TMEM178B: variants seen among roughly 807,000 people sequenced by gnomAD.
TMEM178B encodes transmembrane protein 178B.
In TMEM178B, 5 loss-of-function variants were observed where a neutral mutation model predicts 31.0. The ratio of observed to expected loss-of-function variants is 0.16; its 90% CI spans 0.08 to 0.34. TMEM178B has a LOEUF of 0.34. Among genes scored for constraint, TMEM178B ranks in the 10% least tolerant of loss-of-function variants. The pLI is 1.00. For synonymous variants in TMEM178B, 164 were observed against 164.0 expected (o/e 1.00, Z 0.00); for missense variants, 275 against 400.3 (o/e 0.69, Z 2.67).
chr7:141,338,483 G>A (rs1465007521), intron 2 of TMEM178B, among the ~76,000 whole-genome samples: 1 of 152,126 alleles, frequency 6.6e-6, no homozygotes, highest in East Asian at 1.9e-4. Context: ...AAAACGCCTG[G>A]AACCCTAGAG....
chr7:141,368,145 C>G (rs1406549867), intron 2 of TMEM178B, among the ~76,000 whole-genome samples: 1 of 152,102 alleles, frequency 6.6e-6, no homozygotes, highest in Non-Finnish European at 1.5e-5. Flanking sequence ...ATGGTGAAAC[C>G]CCATCTGCAC....
chr7:141,216,826 G>A (rs1003412880), intron 2 of TMEM178B, among the ~76,000 whole-genome samples: 6 of 152,144 alleles, frequency 3.9e-5, no homozygotes, highest in Non-Finnish European at 8.8e-5. Context: ...GGGCTGTGGT[G>A]TGGTGCGGTG....
At chr7:141,416,277 C>T in intron 2 of TMEM178B, 1 of 152,848 alleles carries the variant, frequency 6.5e-6, no homozygotes. Flanking sequence ...CCCACCACCT[C>T]TACATCCAAA....
chr7:141,274,759 G>T (rs991481015), intron 2 of TMEM178B, among the ~76,000 whole-genome samples: 2 of 152,204 alleles, frequency 1.3e-5, no homozygotes, highest in African/African-American at 4.8e-5. Context: ...GGTGAGGTCT[G>T]CATGGGAACA....
intron 3 of TMEM178B, among the ~76,000 whole-genome samples, chr7:141,456,484 C>T (rs1393645120): frequency 1.3e-5 from 2 of 152,182 alleles, no homozygotes; most frequent in Non-Finnish European, 2.9e-5. Flanking sequence ...AACCTTATGA[C>T]TACCAAAACA....
intron 2 of TMEM178B, among the ~76,000 whole-genome samples, chr7:141,374,163 C>A (rs746178252): frequency 7.2e-5 from 11 of 152,112 alleles, no homozygotes; most frequent in Non-Finnish European, 1.3e-4. Flanking sequence ...AGGAGCAGCT[C>A]CTTCTTCATA....
chr7:141,124,366 A>G (rs143331241), intron 1 of TMEM178B, among the ~76,000 whole-genome samples: 2 of 148,974 alleles, frequency 1.3e-5, no homozygotes, highest in African/African-American at 4.9e-5. Flanking sequence ...GACTCTGACT[A>G]AAAAAAAAAT....
At chr7:141,112,208 TACCTCATGAACTC>T (rs1398076067) in intron 1 of TMEM178B, among the ~76,000 whole-genome samples, 4 of 152,222 alleles carry the variant, frequency 2.6e-5, no homozygotes, top group Admixed American at 1.3e-4. Flanking sequence ...TTTCATAAAC[TACCTCATGAACTC>T]ATGAAGTCTA....
At chr7:141,413,032 G>A (rs1401982874) in intron 2 of TMEM178B, among the ~76,000 whole-genome samples, 1 of 152,156 alleles carries the variant, frequency 6.6e-6, no homozygotes, top group Admixed American at 6.5e-5. Context: ...GAGAAGCACA[G>A]TTGATTGTGC....
intron 2 of TMEM178B, chr7:141,429,576 G>A (rs2116666782): frequency 6.6e-6 from 1 of 152,266 alleles, no homozygotes; most frequent in South Asian, 2.1e-4. Flanking sequence ...ATTGGTCAAA[G>A]GATACATAAT....
chr7:141,394,369 T>C (rs1800599380), intron 2 of TMEM178B, among the ~76,000 whole-genome samples: 1 of 152,214 alleles, frequency 6.6e-6, no homozygotes, highest in Non-Finnish European at 1.5e-5. Flanking sequence ...GTGAACCTAA[T>C]ATCACGAAGA....
chr7:141,198,419 T>C (rs920578068), intron 1 of TMEM178B, among the ~76,000 whole-genome samples: 1 of 152,222 alleles, frequency 6.6e-6, no homozygotes, highest in African/African-American at 2.4e-5. Flanking sequence ...TGGTGACTCA[T>C]GAACAATCAT....
intron 2 of TMEM178B, among the ~76,000 whole-genome samples, chr7:141,267,934 C>CTGAAAGTCAGTG (rs1798119593): frequency 6.6e-6 from 1 of 152,194 alleles, no homozygotes; most frequent in Non-Finnish European, 1.5e-5. Flanking sequence ...GAAGTTTACC[C>CTGAAAGTCAGTG]TGAAAGTCAG....
At chr7:141,273,544 T>A (rs959306662) in intron 2 of TMEM178B, among the ~76,000 whole-genome samples, 1 of 152,198 alleles carries the variant, frequency 6.6e-6, no homozygotes, top group African/African-American at 2.4e-5. Context: ...GATGCCAAAC[T>A]AAGATATAAT....
chr7:141,471,770 G>A lies in TMEM178B; in HGVS notation c.*984G>A, dbSNP rs971593062. On this transcript the variant is annotated 3_prime_UTR_variant, in exon 4 of 4. Coordinates refer to ENST00000565468, the MANE Select transcript of TMEM178B (RefSeq NM_001195278.2). This position sits in a 1 kb window ranked among gnomAD's most constrained non-coding sequence, Gnocchi z 4.1. ...TCTGCAGCTACAGATCCCTGGAGTGGTGTGTGTGTGCGTGTGTGTGTGTGT... is the reference window on the plus strand; with the variant it reads ...TCTGCAGCTACAGATCCCTGGAGTGATGTGTGTGTGCGTGTGTGTGTGTGT... 9.2e-6 allele frequency: 1 copy of A among 109,250 alleles called. No individual in the cohort carries two copies. Among genetic ancestry groups the A allele is most frequent in the Non-Finnish European group, 2.0e-5 (1 of 51,248 alleles). The allele number at this position is 109,250 out of a possible 1,614,324, so 6.8% of individuals were successfully genotyped here.
intron 1 of TMEM178B, among the ~76,000 whole-genome samples, chr7:141,089,311 G>T (rs976916469): frequency 6.6e-6 from 1 of 152,172 alleles, no homozygotes; most frequent in Non-Finnish European, 1.5e-5. Context: ...AGGCAGACTT[G>T]GAGGTAGGGG....
rs1392027774 is a variant in TMEM178B at position 141,345,450 on chromosome 7, C to T, written c.497-92158C>T. ...ATTTTGTTTTGGTTTTGTTTGTCCT[C>T]ATCGTTATAGTACTAGTCTCTTTCT... is the stretch of plus-strand genomic sequence containing the variant. On this transcript the variant is annotated intron_variant, in intron 2 of 3. Coordinates refer to ENST00000565468, the MANE Select transcript of TMEM178B (RefSeq NM_001195278.2). Among the ~76,000 whole-genome samples, 8 of 152,174 alleles carry T rather than the reference C, an allele frequency of 5.3e-5. 1 individual carries two copies. Among genetic ancestry groups the T allele is most frequent in the Admixed American group, 5.2e-4 (8 of 15,272 alleles).
chr7:141,218,668 C>G (rs758635998), intron 2 of TMEM178B, among the ~76,000 whole-genome samples: 1 of 152,072 alleles, frequency 6.6e-6, no homozygotes, highest in Non-Finnish European at 1.5e-5. Flanking sequence ...CACCTGGACT[C>G]TCCGGTGCCC....
At chr7:141,207,153 C>T (rs1409324391) in intron 1 of TMEM178B, among the ~76,000 whole-genome samples, 1 of 152,216 alleles carries the variant, frequency 6.6e-6, no homozygotes, top group Non-Finnish European at 1.5e-5. Context: ...TGTAGGGATG[C>T]AATATTGCAT....
Sources: gnomAD v4.1 joint callset for allele counts (sites outside exome capture counted in the v4.1 genomes callset) on GRCh38, gnomAD v4.1.1 for gene constraint, Gnocchi (gnomAD v3.1) non-coding constraint, MANE v1.5 for transcripts, NCBI Gene and HGNC (gene_info 2026-07-23, HGNC 2026-07-21) for gene names.